The following FBXO31 variants were observed in gnomAD, a reference collection of about 807,000 sequenced individuals.
The protein encoded by FBXO31 is F-box protein 31, also known as F-box only protein 31.
A neutral mutation model predicts 54.4 loss-of-function variants in FBXO31; 24 were observed. The observed-to-expected ratio is 0.44, with a 90% CI of 0.32 to 0.62. The LOEUF (loss-of-function observed/expected upper bound fraction) is 0.62, where lower values mean the gene tolerates loss of function less well. FBXO31 is among the 20% of genes least tolerant of loss of function. The probability of loss-of-function intolerance (pLI) is 0.05; values close to 1 mark genes in which losing one functional copy is unlikely to be tolerated. For missense variants in FBXO31, 665 were observed against 787.1 expected, an observed-to-expected ratio of 0.84 and a Z score of 1.86; for synonymous variants, 388 against 335.6, an observed-to-expected ratio of 1.16 and a Z score of -1.71.
At position 87,335,229 on chromosome 16, in the gene FBXO31, C is replaced by T; in HGVS notation, c.996+75G>A. 1.9e-6 allele frequency: 3 copies of T among 1,595,866 alleles called. No individual in the cohort carries two copies. The highest frequency in any genetic ancestry group is 2.6e-6 in the Non-Finnish European group (3 of 1,174,280). On this transcript the variant is annotated intron_variant, in intron 7 of 8. Coordinates refer to ENST00000311635, the MANE Select transcript of FBXO31 (RefSeq NM_024735.5). This position sits in a 1 kb window ranked among gnomAD's most constrained non-coding sequence, Gnocchi z 5.7. ...AGGGTGCCGGGGATCAGTGTCTGCC[C>T]AAGTTCCCTGACTCCACAGCCCACT...
intron 5 of FBXO31, among the ~76,000 whole-genome samples, chr16:87,340,825 T>C (rs1181069828): frequency 6.6e-6 from 1 of 151,768 alleles, no homozygotes; most frequent in Non-Finnish European, 1.5e-5. Flanking sequence ...AAAAATTCCA[T>C]GGATGGAAAA....
chr16:87,376,351 G>A (rs1202619857), intron 1 of FBXO31, among the ~76,000 whole-genome samples: 1 of 150,794 alleles, frequency 6.6e-6, no homozygotes, highest in African/African-American at 2.4e-5. Flanking sequence ...TCAGCTCACT[G>A]TAACCTCTGC....
At chr16:87,385,384 G>C (rs1907293263), upstream of FBXO31, among the ~76,000 whole-genome samples, 1 of 151,926 alleles carries the variant, frequency 6.6e-6, no homozygotes, top group Non-Finnish European at 1.5e-5. Context: ...TGTGAACCCG[G>C]GAGGCAGAGC....
rs192869714 is a variant in FBXO31, at chr16:87,360,398, A to G, written c.341-32T>C. On this transcript the variant is annotated intron_variant, in intron 1 of 8. Transcript: ENST00000311635. ...CAAGAAACATTTGCAGAAATTTAAG[A>G]TCAACAACTCATAACGCGACAGACG... The G allele has an allele frequency of 3.1e-6, 5 of 1,604,248 alleles. No homozygotes were observed. The East Asian group carries it at 8.9e-5, about 29-fold the overall frequency.
upstream of FBXO31, among the ~76,000 whole-genome samples, chr16:87,387,234 A>G (rs1284822096): frequency 1.3e-5 from 2 of 152,150 alleles, no homozygotes; most frequent in African/African-American, 2.4e-5. Context: ...GAAAACTACT[A>G]CACATTGAAT....
At chr16:87,349,642 G>T (rs1417348253) in intron 2 of FBXO31, among the ~76,000 whole-genome samples, 2 of 152,030 alleles carry the variant, frequency 1.3e-5, no homozygotes, top group East Asian at 3.9e-4. Context: ...ACAGGGAGGC[G>T]GAGGCTGCAG....
At chr16:87,334,624 G>A (rs1343880874) in intron 7 of FBXO31, among the ~76,000 whole-genome samples, 2 of 152,368 alleles carry the variant, frequency 1.3e-5, no homozygotes, top group East Asian at 1.9e-4. Flanking sequence ...GGGAAGATGC[G>A]TCAGCCCCAA....
At chr16:87,388,195 C>T (rs1394896056), upstream of FBXO31, among the ~76,000 whole-genome samples, 1 of 152,222 alleles carries the variant, frequency 6.6e-6, no homozygotes, top group Non-Finnish European at 1.5e-5. Context: ...ACGCGTTCTA[C>T]TTTGCAGATT....
intron 1 of FBXO31, among the ~76,000 whole-genome samples, chr16:87,365,716 T>G (rs1045645401): frequency 2.0e-5 from 3 of 152,218 alleles, no homozygotes; most frequent in Non-Finnish European, 4.4e-5. Context: ...TAGTTGACAA[T>G]GTATGAAACA....
intron 5 of FBXO31, among the ~76,000 whole-genome samples, chr16:87,339,436 A>G (rs1905125340): frequency 6.6e-6 from 1 of 152,224 alleles, no homozygotes; most frequent in South Asian, 2.1e-4. Context: ...GCAGGCCTCA[A>G]GATGAACGAA....
rs1341427936 is a variant in FBXO31, at chr16:87,383,761, C to T, written c.-17G>A. 1.7e-6 allele frequency: 2 copies of T among 1,195,624 alleles called. No homozygotes were observed. The highest frequency in any genetic ancestry group is 3.2e-5 in the African/African-American group (2 of 62,416). 74.1% of individuals were successfully genotyped at this position (1,195,624 alleles called of 1,614,324 possible). ...CACCGCCATGCCGCCCAGTGACGGC[C>T]ACTGCTGCCGCCTGTGCGCACGCTC... On this transcript the variant is annotated 5_prime_UTR_variant, in exon 1 of 9. Coordinates refer to ENST00000311635, the MANE Select transcript of FBXO31 (RefSeq NM_024735.5). This position sits in a 1 kb window ranked among gnomAD's most constrained non-coding sequence, Gnocchi z 4.9.
Position 87,338,894 on chromosome 16 carries a change from GAA to G in FBXO31, c.733-2632_733-2631del, listed in dbSNP as rs1905110237. 6.6e-6 allele frequency among the ~76,000 whole-genome samples: 1 copy of G among 152,158 alleles called. No homozygotes were observed. The highest frequency in any genetic ancestry group is 2.4e-5 in the African/African-American group (1 of 41,430). The stretch of plus-strand genomic sequence containing the variant: ...ATGGGAGGGACCCCAGGAGGTAACT[GAA>G]TCATGGGGGTGGGGTCTTTTCCATG... On this transcript the variant is annotated intron_variant, in intron 5 of 8. Transcript: ENST00000311635. This position sits in a 1 kb window ranked among gnomAD's most constrained non-coding sequence, Gnocchi z 4.3.
At chr16:87,374,388 T>C (rs1231288449) in intron 1 of FBXO31, among the ~76,000 whole-genome samples, 1 of 152,156 alleles carries the variant, frequency 6.6e-6, no homozygotes, top group African/African-American at 2.4e-5. Context: ...CGCAAAATCA[T>C]CGAAAATCGC....
At chr16:87,378,793 C>T (rs1398500182) in intron 1 of FBXO31, among the ~76,000 whole-genome samples, 1 of 151,978 alleles carries the variant, frequency 6.6e-6, no homozygotes, top group Non-Finnish European at 1.5e-5. Flanking sequence ...AACCCCGTCT[C>T]TACTAAAAAG....
rs1905036033 is a variant in FBXO31 at position 87,336,007 on chromosome 16, T to G, written c.842+148A>C. On this transcript the variant is annotated intron_variant, in intron 6 of 8. Coordinates refer to ENST00000311635, the MANE Select transcript of FBXO31 (RefSeq NM_024735.5). This position sits in a 1 kb window ranked among gnomAD's most constrained non-coding sequence, Gnocchi z 6.5. ...TCCAAGCACCCAGAGAGAGAGGGGC[T>G]GTACTCCCAGCCCCCAGCAGGAGAG... 3.3e-6 allele frequency: 2 copies of G among 614,588 alleles called. No individual in the cohort carries two copies. Among genetic ancestry groups the G allele is most frequent in the Admixed American group, 6.0e-5 (2 of 33,218 alleles). 38.1% of individuals were successfully genotyped at this position (614,588 alleles called of 1,614,324 possible).
At chr16:87,363,254 C>A (rs1326011261) in intron 1 of FBXO31, among the ~76,000 whole-genome samples, 1 of 152,128 alleles carries the variant, frequency 6.6e-6, no homozygotes, top group African/African-American at 2.4e-5. Context: ...CATGGTGGTG[C>A]ATGCCTGTAA....
intron 2 of FBXO31, among the ~76,000 whole-genome samples, chr16:87,350,007 T>A (rs1905577458): frequency 6.6e-6 from 1 of 152,086 alleles, no homozygotes; most frequent in Non-Finnish European, 1.5e-5. Flanking sequence ...AGTAATCCCA[T>A]CACTCAGAGA....
intron 1 of FBXO31, among the ~76,000 whole-genome samples, chr16:87,381,796 G>A (rs1025157691): frequency 6.6e-6 from 1 of 152,120 alleles, no homozygotes. Flanking sequence ...AGGCCGAGGC[G>A]GGTGAATCAC....
At chr16:87,361,798 C>T (rs886977127) in intron 1 of FBXO31, among the ~76,000 whole-genome samples, 2 of 152,222 alleles carry the variant, frequency 1.3e-5, no homozygotes, top group Admixed American at 1.3e-4. Context: ...GCAGTCAAGG[C>T]GAGGTGGCTG....
Sources: allele counts gnomAD v4.1 joint callset (sites outside exome capture counted in the v4.1 genomes callset), GRCh38; gene constraint gnomAD v4.1.1; non-coding constraint Gnocchi (gnomAD v3.1); transcripts MANE v1.5; gene names NCBI Gene and HGNC (gene_info 2026-07-23, HGNC 2026-07-21).